RAB3C: variants seen among roughly 807,000 people sequenced by gnomAD.
RAB3C encodes the protein RAB3C, member RAS oncogene family.
Under a neutral mutation model 26.4 loss-of-function variants are expected in RAB3C, and 17 were observed. The observed-to-expected ratio is 0.64, with a 90% CI of 0.44 to 0.97. RAB3C has a LOEUF of 0.97. Ranked by LOEUF, RAB3C falls within the 50% of genes least tolerant of loss-of-function variation. The probability of loss-of-function intolerance (pLI) is 0.00; values close to 1 mark genes in which losing one functional copy is unlikely to be tolerated. For synonymous variants in RAB3C, 91 were observed against 95.9 expected (o/e 0.95, Z 0.30); for missense variants, 242 against 281.9 (o/e 0.86, Z 1.01).
intron 4 of RAB3C, among the ~76,000 whole-genome samples, chr5:58,836,251 T>TCAAAA (rs1474042009): frequency 2.2e-5 from 1 of 44,574 alleles, no homozygotes; most frequent in African/African-American, 1.5e-4. Flanking sequence ...TTCTTTATTT[T>TCAAAA]TAAAATTAAA....
At chr5:58,836,475 T>C (rs1272508841) in intron 4 of RAB3C, among the ~76,000 whole-genome samples, 2 of 152,178 alleles carry the variant, frequency 1.3e-5, no homozygotes, top group African/African-American at 2.4e-5. Context: ...ACACTAGAAC[T>C]TACATCCCTT....
chr5:58,822,264 C>T (rs190484137), intron 3 of RAB3C, among the ~76,000 whole-genome samples: 17 of 152,326 alleles, frequency 1.1e-4, no homozygotes, highest in Admixed American at 2.0e-4. Context: ...ACTGCCAGAA[C>T]GTGACTCCCA....
chr5:58,796,653 A>T (rs1468329822), intron 3 of RAB3C, among the ~76,000 whole-genome samples: 1 of 152,238 alleles, frequency 6.6e-6, no homozygotes, highest in Non-Finnish European at 1.5e-5. Context: ...TACTACTCAT[A>T]GCTGAAGGCA....
intron 2 of RAB3C, among the ~76,000 whole-genome samples, chr5:58,672,757 A>G (rs753295641): frequency 4.6e-5 from 7 of 152,158 alleles, no homozygotes; most frequent in Non-Finnish European, 1.0e-4. Context: ...ATTTGTGACA[A>G]CCTAGATAAC....
intron 3 of RAB3C, among the ~76,000 whole-genome samples, chr5:58,729,493 A>T (rs977208258): frequency 6.6e-5 from 10 of 151,716 alleles, no homozygotes; most frequent in Admixed American, 2.6e-4. Flanking sequence ...TATAAGTGGA[A>T]TCATGCAGTA....
rs1389631347 is a variant in RAB3C, at chr5:58,627,514, A to C, written c.252+9644A>C. ...AAAAAAAAAAAAAAAAAAAAAAAAAAAAAAACACAGCTTAAATTCGGTGCA... is the reference window on the plus strand; with the variant it reads ...AAAAAAAAAAAAAAAAAAAAAAAAACAAAAACACAGCTTAAATTCGGTGCA... On this transcript the variant is annotated intron_variant, in intron 2 of 4. Coordinates refer to ENST00000282878, the MANE Select transcript of RAB3C (RefSeq NM_138453.4). Among the ~76,000 whole-genome samples the C allele has an allele frequency of 2.2e-5, 3 of 134,246 alleles. 1 individual carries two copies. Among genetic ancestry groups the C allele is most frequent in the Non-Finnish European group, 4.8e-5 (3 of 62,136 alleles). The allele number at this position is 134,246 out of a possible 152,430, so 88.1% of individuals were successfully genotyped here.
At chr5:58,695,716 T>C (rs1197491361) in intron 2 of RAB3C, among the ~76,000 whole-genome samples, 2 of 151,732 alleles carry the variant, frequency 1.3e-5, no homozygotes, top group African/African-American at 4.8e-5. Flanking sequence ...ATGATTTGGC[T>C]CTCTGTTTGT....
intron 2 of RAB3C, among the ~76,000 whole-genome samples, chr5:58,693,336 G>GTGTATATATATATATATATATATATATA (rs1554048065): frequency 1.8e-5 from 2 of 111,774 alleles, no homozygotes; most frequent in African/African-American, 7.5e-5. Context: ...ATATATATGT[G>GTGTATATATATATATATATATATATATA]TATATATATA....
intron 1 of RAB3C, among the ~76,000 whole-genome samples, chr5:58,600,982 T>A (rs1442117206): frequency 6.6e-6 from 1 of 152,198 alleles, no homozygotes; most frequent in Non-Finnish European, 1.5e-5. Context: ...GCTGTGGGTT[T>A]GTCACAGATG....
chr5:58,657,993 G>C (rs1747818893), intron 2 of RAB3C, among the ~76,000 whole-genome samples: 1 of 152,148 alleles, frequency 6.6e-6, no homozygotes, highest in African/African-American at 2.4e-5. Context: ...TTTTATCTCA[G>C]AGTGATGATA....
At chr5:58,821,038 C>T (rs1408557274) in intron 3 of RAB3C, among the ~76,000 whole-genome samples, 2 of 152,174 alleles carry the variant, frequency 1.3e-5, no homozygotes, top group African/African-American at 4.8e-5. Flanking sequence ...CAAAAGGACA[C>T]CCTGACTTGG....
At chr5:58,659,570 T>C (rs1165078113) in intron 2 of RAB3C, among the ~76,000 whole-genome samples, 1 of 152,220 alleles carries the variant, frequency 6.6e-6, no homozygotes, top group Non-Finnish European at 1.5e-5. Context: ...CTGAAGTAAG[T>C]AGAATATTCA....
At chr5:58,827,210 G>A (rs1326413968) in intron 4 of RAB3C, among the ~76,000 whole-genome samples, 1 of 152,194 alleles carries the variant, frequency 6.6e-6, no homozygotes, top group Non-Finnish European at 1.5e-5. Context: ...CCCAAAGAAA[G>A]AGAGGGAGGA....
At chr5:58,754,070 A>G (rs1006280776) in intron 3 of RAB3C, among the ~76,000 whole-genome samples, 3 of 152,052 alleles carry the variant, frequency 2.0e-5, no homozygotes, top group Admixed American at 1.3e-4. Flanking sequence ...AGATTCTTCT[A>G]TTTGAGAGGG....
intron 3 of RAB3C, among the ~76,000 whole-genome samples, chr5:58,749,994 T>TATG (rs1376097273): frequency 1.3e-5 from 2 of 152,206 alleles, no homozygotes; most frequent in African/African-American, 4.8e-5. Context: ...ATTATTAATT[T>TATG]ATGTGTTAGC....
chr5:58,784,149 A>C (rs1241528185), intron 3 of RAB3C, among the ~76,000 whole-genome samples: 1 of 152,130 alleles, frequency 6.6e-6, no homozygotes, highest in Non-Finnish European at 1.5e-5. Context: ...TTAAAAATAA[A>C]TGGGTCAGAA....
chr5:58,830,039 C>A (rs1421914530), intron 4 of RAB3C, among the ~76,000 whole-genome samples: 1 of 152,106 alleles, frequency 6.6e-6, no homozygotes, highest in Non-Finnish European at 1.5e-5. Flanking sequence ...GAGTGTAACT[C>A]AGAGGATAAA....
At chr5:58,589,661 C>T (rs567060017) in intron 1 of RAB3C, among the ~76,000 whole-genome samples, 1 of 152,020 alleles carries the variant, frequency 6.6e-6, no homozygotes, top group Non-Finnish European at 1.5e-5. Context: ...GAATAGCATC[C>T]CTCCCAAAAT....
chr5:58,727,123 C>CT (rs35767078), intron 3 of RAB3C, among the ~76,000 whole-genome samples: 2 of 151,602 alleles, frequency 1.3e-5, no homozygotes, highest in African/African-American at 4.8e-5. Context: ...AGACAGCATT[C>CT]TTTTTTTGTT....
Sources: allele counts gnomAD v4.1 joint callset (sites outside exome capture counted in the v4.1 genomes callset), GRCh38; gene constraint gnomAD v4.1.1; transcripts MANE v1.5; gene names NCBI Gene and HGNC (gene_info 2026-07-23, HGNC 2026-07-21).